DIAPH2: variants seen among roughly 807,000 people sequenced by gnomAD.
The protein encoded by DIAPH2 is protein diaphanous homolog 2.
A neutral mutation model predicts 92.7 loss-of-function variants in DIAPH2; 35 were observed. The ratio of observed to expected loss-of-function variants is 0.38; its 90% CI spans 0.29 to 0.50. DIAPH2 has a LOEUF of 0.50. Ranked by LOEUF, DIAPH2 falls within the 20% of genes least tolerant of loss-of-function variation. The probability of loss-of-function intolerance (pLI) is 0.94; values close to 1 mark genes in which losing one functional copy is unlikely to be tolerated. For synonymous variants in DIAPH2, 301 were observed against 280.4 expected, an observed-to-expected ratio of 1.07 and a Z score of -0.73; for missense variants, 701 against 819.5, an observed-to-expected ratio of 0.86 and a Z score of 1.77.
intron 12 of DIAPH2, among the ~76,000 whole-genome samples, chrX:96,940,648 T>C (rs991443114): frequency 3.6e-5 from 4 of 112,145 alleles, no homozygotes; most frequent in African/African-American, 1.3e-4. Flanking sequence ...AGTAATTTGT[T>C]GGGCATCGTG....
intron 26 of DIAPH2, among the ~76,000 whole-genome samples, chrX:97,548,995 A>G (rs1349092236): frequency 1.8e-5 from 2 of 112,812 alleles, no homozygotes; most frequent in Non-Finnish European, 3.7e-5. Flanking sequence ...CATTTATAAA[A>G]TGACGGGTAA....
At chrX:97,259,912 C>T (rs1461847137) in intron 23 of DIAPH2, among the ~76,000 whole-genome samples, 1 of 112,039 alleles carries the variant, frequency 8.9e-6, no homozygotes, top group Non-Finnish European at 1.9e-5. Flanking sequence ...TCACTACAAC[C>T]TCTGCCTCCT....
At chrX:97,515,372 C>A (rs746719057) in intron 26 of DIAPH2, among the ~76,000 whole-genome samples, 1 of 112,418 alleles carries the variant, frequency 8.9e-6, no homozygotes, top group Non-Finnish European at 1.9e-5. Flanking sequence ...CTTCGGCTTG[C>A]GCACGGTGCG....
chrX:96,923,775 G>GC (rs2065562176), intron 9 of DIAPH2, among the ~76,000 whole-genome samples: 1 of 111,200 alleles, frequency 9.0e-6, no homozygotes, highest in African/African-American at 3.3e-5. Context: ...GAGCGCAGAG[G>GC]CTAGTAGCCC....
chrX:97,287,318 A>G (rs918867840), intron 23 of DIAPH2, among the ~76,000 whole-genome samples: 4 of 110,531 alleles, frequency 3.6e-5, no homozygotes, highest in African/African-American at 1.3e-4. Context: ...AAAAAAAAAA[A>G]TTTGTTTTGG....
intron 26 of DIAPH2, among the ~76,000 whole-genome samples, chrX:97,494,364 C>A: frequency 9.0e-6 from 1 of 110,724 alleles, no homozygotes; most frequent in South Asian, 3.8e-4. Flanking sequence ...TGTTGACATT[C>A]TCATTTTGTT....
intron 22 of DIAPH2, among the ~76,000 whole-genome samples, chrX:97,185,457 A>G (rs868471191): frequency 2.5e-3 from 97 of 38,396 alleles, no homozygotes; most frequent in African/African-American, 8.1e-3. Flanking sequence ...ATGTGTGTGT[A>G]TATATATATA....
chrX:97,031,156 T>A (rs1376875292), intron 17 of DIAPH2, among the ~76,000 whole-genome samples: 1 of 110,708 alleles, frequency 9.0e-6, no homozygotes, highest in Non-Finnish European at 1.9e-5. Context: ...TTAGCTGAAG[T>A]CATACTACTT....
At chrX:97,203,784 C>T (rs1486769727) in intron 22 of DIAPH2, among the ~76,000 whole-genome samples, 9 of 111,587 alleles carry the variant, frequency 8.1e-5, no homozygotes, top group Non-Finnish European at 7.5e-5. Context: ...CTATTCCAGA[C>T]AACTGAAAAA....
At chrX:97,453,839 G>A (rs1333056701) in intron 26 of DIAPH2, 1 of 111,303 alleles carries the variant, frequency 9.0e-6, no homozygotes, top group Non-Finnish European at 1.9e-5. Context: ...TTTAAACGAG[G>A]GAACTTTTAT....
intron 1 of DIAPH2, among the ~76,000 whole-genome samples, chrX:96,725,417 A>T (rs1988020280): frequency 8.9e-6 from 1 of 112,231 alleles, no homozygotes; most frequent in Non-Finnish European, 1.9e-5. Flanking sequence ...TTCCAAAAAC[A>T]CTTTTTAAAT....
chrX:97,396,442 C>T (rs2069704959), intron 25 of DIAPH2, among the ~76,000 whole-genome samples: 1 of 110,606 alleles, frequency 9.0e-6, no homozygotes, highest in Non-Finnish European at 1.9e-5. Flanking sequence ...GAGGCTGAGG[C>T]GGGCAGATCA....
chrX:96,921,184 C>T (rs1286899798), intron 9 of DIAPH2, among the ~76,000 whole-genome samples: 1 of 111,386 alleles, frequency 9.0e-6, no homozygotes, highest in Admixed American at 9.5e-5. Context: ...ATACATTTTC[C>T]CCCCTTTTTG....
At chrX:97,273,039 CA>C (rs1298294865) in intron 23 of DIAPH2, among the ~76,000 whole-genome samples, 2 of 111,557 alleles carry the variant, frequency 1.8e-5, no homozygotes, top group Non-Finnish European at 3.8e-5. Context: ...TCTGTAATCC[CA>C]GCTACTCGGG....
intron 26 of DIAPH2, among the ~76,000 whole-genome samples, chrX:97,480,282 A>T (rs1479797008): frequency 1.8e-5 from 2 of 112,000 alleles, no homozygotes; most frequent in Non-Finnish European, 3.8e-5. Context: ...CTGCCAAGGA[A>T]TCCCAAGGAT....
At chrX:97,408,851 T>C (rs1165290846) in intron 25 of DIAPH2, among the ~76,000 whole-genome samples, 2 of 112,054 alleles carry the variant, frequency 1.8e-5, no homozygotes, top group African/African-American at 6.5e-5. Context: ...ACTCAAGGTA[T>C]GTACAAAATG....
At chrX:97,511,056 G>A (rs1192335555) in intron 26 of DIAPH2, among the ~76,000 whole-genome samples, 1 of 105,753 alleles carries the variant, frequency 9.5e-6, no homozygotes, top group Non-Finnish European at 2.0e-5. Context: ...GAAAGTCATT[G>A]GTAGCTTGAT....
chrX:96,881,911 T>C (rs983498702), intron 5 of DIAPH2, among the ~76,000 whole-genome samples, 193 bp downstream of exon 5: 2 of 111,823 alleles, frequency 1.8e-5, no homozygotes, highest in African/African-American at 6.5e-5. Context: ...TCTCTAGTAA[T>C]GTACAATTTT....
chrX:97,178,443 C>CTTTTTTTT (rs766983375), intron 22 of DIAPH2, among the ~76,000 whole-genome samples: 3 of 67,261 alleles, frequency 4.5e-5, no homozygotes, highest in African/African-American at 1.4e-4. Flanking sequence ...CTATATTTCT[C>CTTTTTTTT]TTTTTTTTTT....
Sources: gnomAD v4.1 joint callset for allele counts (sites outside exome capture counted in the v4.1 genomes callset) on GRCh38, gnomAD v4.1.1 for gene constraint, MANE v1.5 for transcripts, NCBI Gene and HGNC (gene_info 2026-07-23, HGNC 2026-07-21) for gene names.